Variants in NEBL observed in about 807,000 individuals in gnomAD.
NEBL encodes LIM and SH3 protein 2.
NEBL carries 122 observed loss-of-function variants against 140.2 expected under a neutral mutation model. The ratio of observed to expected loss-of-function variants is 0.87; its 90% CI spans 0.75 to 1.01. NEBL has a LOEUF of 1.01. Among genes scored for constraint, NEBL ranks in the 50% least tolerant of loss-of-function variants. NEBL has a pLI of 0.00. For synonymous variants in NEBL, 436 were observed against 398.9 expected (o/e 1.09, Z -1.11); for missense variants, 1,365 against 1,231.3 (o/e 1.11, Z -1.62).
At chr10:20,896,392 CCCTTGCACTAATAT>C (rs1346906709) in intron 2 of NEBL, among the ~76,000 whole-genome samples, 1 of 149,186 alleles carries the variant, frequency 6.7e-6, no homozygotes, top group Admixed American at 6.8e-5. Flanking sequence ...ACAAAAATAC[CCCTTGCACTAATAT>C]CCTTGCACTA....
chr10:21,026,624 A>C (rs3858202), intron 2 of NEBL, among the ~76,000 whole-genome samples: 75,533 of 152,030 alleles, frequency 0.5, 21,072 homozygotes, highest in South Asian at 0.67. Context: ...AACCACTGTC[A>C]CATTTACACT....
Position 21,266,132 on chromosome 10 carries a change from C to T in NEBL, n.183-14304G>A, listed in dbSNP as rs141497586. Among the ~76,000 whole-genome samples, 664 of 151,572 alleles carry T rather than the reference C, an allele frequency of 4.4e-3. 17 individuals are homozygous for T. The highest frequency in any genetic ancestry group is 0.031 in the Admixed American group (464 of 15,200). ...ATGCTGATTTTTTTTTTCTTTTTTG[C>T]TAGTTTCTTTTTGTTTTTGTTTTGT... On this transcript the variant is annotated intron_variant and non_coding_transcript_variant, in intron 1 of 8. Coordinates refer to the NEBL transcript ENST00000675702.
chr10:20,786,146 A>C (rs1312012515), intron 27 of NEBL, among the ~76,000 whole-genome samples: 1 of 152,202 alleles, frequency 6.6e-6, no homozygotes, highest in Non-Finnish European at 1.5e-5. Flanking sequence ...AAGTCACTAA[A>C]TACGACAGGT....
At chr10:21,154,321 T>C (rs546225705) in intron 2 of NEBL, among the ~76,000 whole-genome samples, 1 of 152,034 alleles carries the variant, frequency 6.6e-6, no homozygotes, top group Admixed American at 6.5e-5. Flanking sequence ...TAGCCAAGCA[T>C]GGTGGCATGT....
chr10:21,078,337 C>G (rs1022427493), intron 2 of NEBL, among the ~76,000 whole-genome samples: 1 of 152,112 alleles, frequency 6.6e-6, no homozygotes. Flanking sequence ...AAGTAATAAG[C>G]CTTTCAAATT....
chr10:20,806,092 TC>T (rs147498277), intron 26 of NEBL, among the ~76,000 whole-genome samples: 1,790 of 152,222 alleles, frequency 0.012, 25 homozygotes, highest in African/African-American at 0.04. Context: ...TAGGATAGGG[TC>T]CTCTTGCTAG....
At chr10:21,169,882 A>C (rs1339829658) in intron 2 of NEBL, among the ~76,000 whole-genome samples, 1 of 152,236 alleles carries the variant, frequency 6.6e-6, no homozygotes, top group African/African-American at 2.4e-5. Flanking sequence ...CTATACAGGT[A>C]TGTTGAGAGT....
chr10:20,908,423 T>TC (rs1343326332), intron 4 of NEBL, among the ~76,000 whole-genome samples: 4 of 152,126 alleles, frequency 2.6e-5, no homozygotes, highest in Non-Finnish European at 5.9e-5. Context: ...GACAATCTGG[T>TC]CCCTGTGATC....
intron 3 of NEBL, among the ~76,000 whole-genome samples, chr10:20,986,324 A>G (rs1203333095): frequency 6.6e-6 from 1 of 152,236 alleles, no homozygotes; most frequent in Non-Finnish European, 1.5e-5. Flanking sequence ...AATAGGGCTA[A>G]CAGTAATGGA....
chr10:21,208,580 T>C (rs890526413), intron 3 of NEBL, among the ~76,000 whole-genome samples: 1 of 152,226 alleles, frequency 6.6e-6, no homozygotes, highest in Non-Finnish European at 1.5e-5. Context: ...TTCTTGCTCA[T>C]GTTACAGAAC....
intron 14 of NEBL, 39 bp from the exon 15 acceptor site, chr10:20,831,622 A>T: frequency 7.3e-7 from 1 of 1,375,298 alleles, no homozygotes; most frequent in Non-Finnish European, 1.0e-6. Context: ...CTCTCCAATC[A>T]TTTGAGAAAC....
chr10:21,225,662 AC>A (rs1481878298), intron 3 of NEBL, among the ~76,000 whole-genome samples: 2 of 151,660 alleles, frequency 1.3e-5, no homozygotes, highest in Non-Finnish European at 2.9e-5. Flanking sequence ...CATGGCCACC[AC>A]CTCCCCAGGT....
intron 13 of NEBL, among the ~76,000 whole-genome samples, chr10:20,838,254 A>G (rs1841084120): frequency 6.6e-6 from 1 of 152,226 alleles, no homozygotes; most frequent in African/African-American, 2.4e-5. Context: ...GAAGTACAAA[A>G]TATCAACATT....
chr10:20,946,983 G>T (rs1159485307), intron 4 of NEBL, among the ~76,000 whole-genome samples: 1 of 152,146 alleles, frequency 6.6e-6, no homozygotes, highest in African/African-American at 2.4e-5. Flanking sequence ...TGACTCCAAA[G>T]AATTTGGTAG....
rs545741822 is a variant in NEBL at position 20,904,953 on chromosome 10, A to G, written c.357+56719T>C. ...GTAACATGTCCTGTTTATGTGATTT[A>G]TGAATTTTATGAAAACACAGCAATG... On this transcript the variant is annotated intron_variant, in intron 4 of 6. Coordinates refer to the NEBL transcript ENST00000417816. Among the ~76,000 whole-genome samples, 17 of 152,378 alleles carry G rather than the reference A, an allele frequency of 1.1e-4. 1 individual carries two copies. In the South Asian group the frequency reaches 3.5e-3, roughly 32 times the overall value.
chr10:20,936,702 T>G (rs1003281892), intron 4 of NEBL, among the ~76,000 whole-genome samples: 3 of 152,220 alleles, frequency 2.0e-5, no homozygotes, highest in Admixed American at 6.5e-5. Flanking sequence ...CAGTGTTTTC[T>G]GTGTTTCAAT....
At chr10:21,198,534 A>G (rs1841686796) in intron 3 of NEBL, among the ~76,000 whole-genome samples, 1 of 152,216 alleles carries the variant, frequency 6.6e-6, no homozygotes, top group Non-Finnish European at 1.5e-5. Context: ...TAGGCAATAG[A>G]GGTGGGCTAC....
At chr10:21,158,745 C>T (rs1287591732) in intron 2 of NEBL, among the ~76,000 whole-genome samples, 1 of 152,152 alleles carries the variant, frequency 6.6e-6, no homozygotes, top group Admixed American at 6.5e-5. Flanking sequence ...ACTGGCTCTC[C>T]TAATTTTTAC....
chr10:20,915,096 C>A (rs964858920), intron 4 of NEBL, among the ~76,000 whole-genome samples: 2 of 150,898 alleles, frequency 1.3e-5, no homozygotes, highest in Non-Finnish European at 2.9e-5. Flanking sequence ...AGCCACCATG[C>A]CTGGCTTTTA....
Sources: allele counts gnomAD v4.1 joint callset (sites outside exome capture counted in the v4.1 genomes callset), GRCh38; gene constraint gnomAD v4.1.1; transcripts MANE v1.5; gene names NCBI Gene and HGNC (gene_info 2026-07-23, HGNC 2026-07-21).